PTPN9: variants seen among roughly 807,000 people sequenced by gnomAD.
The protein encoded by PTPN9 is protein tyrosine phosphatase non-receptor type 9, also known as tyrosine-protein phosphatase non-receptor type 9.
In PTPN9, 26 loss-of-function variants were observed where a neutral mutation model predicts 69.8. The ratio of observed to expected loss-of-function variants is 0.37; its 90% CI spans 0.27 to 0.52. The LOEUF (loss-of-function observed/expected upper bound fraction) is 0.52, where lower values mean the gene tolerates loss of function less well. Ranked by LOEUF, PTPN9 falls within the 20% of genes least tolerant of loss-of-function variation. The pLI is 0.91. For synonymous variants in PTPN9, 274 were observed against 272.5 expected (o/e 1.01, Z -0.05); for missense variants, 549 against 740.3 (o/e 0.74, Z 3.00).
intron 8 of PTPN9, among the ~76,000 whole-genome samples, chr15:75,489,690 CAT>C (rs1488106897): frequency 1.7e-4 from 26 of 152,200 alleles, no homozygotes; most frequent in African/African-American, 5.5e-4. Context: ...TAATAGATTA[CAT>C]ATGAGGCTTT....
At chr15:75,551,448 C>T (rs1485714956) in intron 1 of PTPN9, among the ~76,000 whole-genome samples, 4 of 151,992 alleles carry the variant, frequency 2.6e-5, no homozygotes, top group Non-Finnish European at 5.9e-5. Context: ...CTCTGCCTCC[C>T]AGGTGGGTTC....
chr15:75,513,230 G>A (rs1296214562), intron 5 of PTPN9: 1 of 454,640 alleles, frequency 2.2e-6, no homozygotes, highest in Admixed American at 2.4e-5. Flanking sequence ...GGAAATAACA[G>A]GTGTTTTCCT....
chr15:75,472,725 AC>A (rs1251652647), intron 10 of PTPN9, among the ~76,000 whole-genome samples: 2 of 149,748 alleles, frequency 1.3e-5, no homozygotes, highest in Non-Finnish European at 3.0e-5. Flanking sequence ...GTTGCGGTGA[AC>A]TGAGATCGAG....
At chr15:75,524,639 A>G (rs1472851458) in intron 2 of PTPN9, among the ~76,000 whole-genome samples, 1 of 151,880 alleles carries the variant, frequency 6.6e-6, no homozygotes, top group Non-Finnish European at 1.5e-5. Context: ...TTAGCCTGGC[A>G]TGGTGGTGCG....
At chr15:75,506,648 T>A (rs2074821102) in intron 6 of PTPN9, among the ~76,000 whole-genome samples, 1 of 152,048 alleles carries the variant, frequency 6.6e-6, no homozygotes, top group South Asian at 2.1e-4. Flanking sequence ...TAGCTGGGAA[T>A]ACAGATGCAC....
chr15:75,542,996 C>T (rs2075015771), intron 1 of PTPN9, among the ~76,000 whole-genome samples: 2 of 116,114 alleles, frequency 1.7e-5, no homozygotes, highest in Middle Eastern at 5.1e-3. Context: ...CTATCCCTCC[C>T]CCCTCCCCCC....
At chr15:75,476,502 AG>A (rs1368447077) in intron 9 of PTPN9, among the ~76,000 whole-genome samples, 1 of 152,066 alleles carries the variant, frequency 6.6e-6, no homozygotes, top group East Asian at 1.9e-4. Context: ...TTTAGTAGAG[AG>A]GGGGTTTCAT....
At chr15:75,503,832 C>A (rs1323632035) in intron 7 of PTPN9, among the ~76,000 whole-genome samples, 1 of 128,972 alleles carries the variant, frequency 7.8e-6, no homozygotes, top group African/African-American at 2.9e-5. Context: ...GCCCGGCCAG[C>A]CGCCCCGTCC....
At chr15:75,497,688 G>C (rs1465239457) in intron 7 of PTPN9, among the ~76,000 whole-genome samples, 2 of 150,854 alleles carry the variant, frequency 1.3e-5, no homozygotes, top group Non-Finnish European at 3.0e-5. Context: ...TGTAATCCCA[G>C]CTACTTGGGA....
chr15:75,569,683 CAAAA>C (rs747748643), intron 1 of PTPN9, among the ~76,000 whole-genome samples: 1 of 55,018 alleles, frequency 1.8e-5, no homozygotes, highest in Non-Finnish European at 3.7e-5. Context: ...AACTCCATCT[CAAAA>C]AAAAAAAAAA....
chr15:75,471,312 T>A (rs1338023420), intron 10 of PTPN9, among the ~76,000 whole-genome samples: 1 of 151,528 alleles, frequency 6.6e-6, no homozygotes, highest in African/African-American at 2.4e-5. Context: ...AGAGAAAATA[T>A]GAAAATATGA....
At chr15:75,539,078 T>C (rs2074997200) in intron 1 of PTPN9, among the ~76,000 whole-genome samples, 2 of 152,228 alleles carry the variant, frequency 1.3e-5, no homozygotes, top group African/African-American at 4.8e-5. Context: ...AAGATAACTA[T>C]AAGCAACCTT....
chr15:75,515,499 G>A (rs1174128617), intron 5 of PTPN9, among the ~76,000 whole-genome samples: 1 of 151,750 alleles, frequency 6.6e-6, no homozygotes, highest in Non-Finnish European at 1.5e-5. Context: ...CAGGCACAGT[G>A]GCCAACACCT....
intron 7 of PTPN9, among the ~76,000 whole-genome samples, chr15:75,502,485 G>T (rs998779546): frequency 1.3e-5 from 2 of 151,950 alleles, no homozygotes; most frequent in African/African-American, 4.8e-5. Context: ...AGGAAGGAAG[G>T]AATTACAGGT....
rs188571590 is a variant in PTPN9, at chr15:75,522,056, T to A, written c.422+1065A>T. 5.9e-5 allele frequency among the ~76,000 whole-genome samples: 9 copies of A among 152,118 alleles called. No homozygotes were observed. In the East Asian group the frequency reaches 1.7e-3, roughly 29 times the overall value. ...GACCAGCCAAAGATGTCGAGAGCAGTAAGAAACTGTAAATTACAAGCACCA... is the reference window on the plus strand; with the variant it reads ...GACCAGCCAAAGATGTCGAGAGCAGAAAGAAACTGTAAATTACAAGCACCA... On this transcript the variant is annotated intron_variant, in intron 4 of 12. Transcript: ENST00000618819.
chr15:75,544,392 G>A (rs938872215), intron 1 of PTPN9, among the ~76,000 whole-genome samples: 3 of 152,080 alleles, frequency 2.0e-5, no homozygotes, highest in Admixed American at 6.6e-5. Context: ...TAAATTAGCC[G>A]GGTGTGGCAG....
chr15:75,486,581 A>C (rs142155005), intron 8 of PTPN9, among the ~76,000 whole-genome samples: 31 of 152,260 alleles, frequency 2.0e-4, no homozygotes, highest in Admixed American at 5.9e-4. Flanking sequence ...ACAGCAGCCC[A>C]AACAGATTAA....
At chr15:75,495,903 T>G (rs532622962) in intron 7 of PTPN9, among the ~76,000 whole-genome samples, 21 of 152,180 alleles carry the variant, frequency 1.4e-4, no homozygotes, top group African/African-American at 5.1e-4. Context: ...TTTGGGAGGC[T>G]GAGGCAGGTG....
intron 7 of PTPN9, among the ~76,000 whole-genome samples, chr15:75,504,673 T>G (rs866704042): frequency 7.5e-4 from 55 of 73,260 alleles, no homozygotes; most frequent in South Asian, 1.1e-3. Context: ...CCAGCCGCCC[T>G]GTCCGGGAGG....
Sources: allele counts gnomAD v4.1 joint callset (sites outside exome capture counted in the v4.1 genomes callset), GRCh38; gene constraint gnomAD v4.1.1; transcripts MANE v1.5; gene names NCBI Gene and HGNC (gene_info 2026-07-23, HGNC 2026-07-21).